The following PLEKHG4 variants were observed in gnomAD, a reference collection of about 807,000 sequenced individuals.
The protein encoded by PLEKHG4 is puratrophin-1.
PLEKHG4 carries 85 observed loss-of-function variants against 136.9 expected under a neutral mutation model. That is an observed-to-expected ratio of 0.62 (90% CI 0.52 to 0.74). PLEKHG4 has a LOEUF of 0.74. Among genes scored for constraint, PLEKHG4 ranks in the 30% least tolerant of loss-of-function variants. The pLI, the probability that PLEKHG4 is intolerant of heterozygous loss-of-function variation, is 0.00. For synonymous variants in PLEKHG4, 577 were observed against 646.9 expected, an observed-to-expected ratio of 0.89 and a Z score of 1.64; for missense variants, 1,317 against 1,527.8, an observed-to-expected ratio of 0.86 and a Z score of 2.30.
At chr16:67,283,043 G>A (rs952223588) in intron 11 of PLEKHG4, among the ~76,000 whole-genome samples, 185 bp downstream of exon 11, 1 of 152,142 alleles carries the variant, frequency 6.6e-6, no homozygotes, top group Non-Finnish European at 1.5e-5. Context: ...TCTCTGGAGA[G>A]AATCAGTGCA....
At position 67,289,126 on chromosome 16, in the gene PLEKHG4, G is replaced by GT; in HGVS notation, c.*318_*319insT. 1 of 511,972 alleles carries GT rather than the reference G, an allele frequency of 2.0e-6. No homozygotes were observed. The highest frequency in any genetic ancestry group is 3.6e-6 in the Non-Finnish European group (1 of 280,822). 31.7% of individuals were successfully genotyped at this position (511,972 alleles called of 1,614,324 possible). On this transcript the variant is annotated 3_prime_UTR_variant, in exon 22 of 22. Coordinates refer to ENST00000379344, the MANE Select transcript of PLEKHG4 (RefSeq NM_001129729.3). ...TGTTTCCATGCTGTAGGCTGGTGGG[G>GT]GACCATGTGCCTCTAGGCAGTGACT...
chr16:67,287,010 T>C lies in PLEKHG4; in HGVS notation c.2936T>C (p.Leu979Pro). The C allele has an allele frequency of 1.2e-6, 2 of 1,613,254 alleles. No individual in the cohort carries two copies. The highest frequency in any genetic ancestry group is 8.5e-7 in the Non-Finnish European group (1 of 1,179,990). Residue 979 changes from leucine (L) to proline (P), a missense_variant, in exon 18 of 22, where the codon CTT becomes CCT. By Grantham distance (98) the Leu-to-Pro change is moderately conservative. Coordinates refer to ENST00000379344, the MANE Select transcript of PLEKHG4 (RefSeq NM_001129729.3). ...TCCCGCTGGCCACAGATGGCAGACC[T>C]TGGTCTCACTGAGTGCTGTGGGAAC... Reference protein sequence around the residue: ...AYKRSFKMADLGLTECCGNSN... With the variant: ...AYKRSFKMADPGLTECCGNSN...
chr16:67,288,958 G>A lies in PLEKHG4; in HGVS notation c.*150G>A. 1 of 913,770 alleles carries A rather than the reference G, an allele frequency of 1.1e-6. No homozygotes were observed. Among genetic ancestry groups the A allele is most frequent in the East Asian group, 2.6e-5 (1 of 38,046 alleles). The allele number at this position is 913,770 out of a possible 1,614,324, so 56.6% of individuals were successfully genotyped here. A position where few individuals can be genotyped will look rare whatever the true frequency, so the allele number is the denominator to read the frequency against. The stretch of plus-strand genomic sequence containing the variant: ...GTTGACTACCCTTTCTGATGTGTGT[G>A]GCCATTGGACTAACTGGCACGGGGC... On this transcript the variant is annotated 3_prime_UTR_variant, in exon 22 of 22. Coordinates refer to ENST00000379344, the MANE Select transcript of PLEKHG4 (RefSeq NM_001129729.3).
Position 67,288,208 on chromosome 16 carries a change from C to G in PLEKHG4, c.3262C>G (p.His1088Asp). 4 of 1,614,050 alleles carry G rather than the reference C, an allele frequency of 2.5e-6. No individual in the cohort carries two copies. Among genetic ancestry groups the G allele is most frequent in the East Asian group, 2.2e-5 (1 of 44,878 alleles). ...GTCCATTGCCGTAGCCCCGTTTGAC[C>G]ATGACAGCCTCTACCTGGGGGCCTC... ...RASIAVAPFD[H>D]DSLYLGASNS... Residue 1088 changes from histidine to aspartate, a missense_variant, in exon 20 of 22, where the codon CAT (histidine) becomes GAT (aspartate). Coordinates refer to ENST00000379344, the MANE Select transcript of PLEKHG4 (RefSeq NM_001129729.3).
chr16:67,281,066 A>G (rs1235275602), intron 4 of PLEKHG4, 25 bp from the exon 5 acceptor site: 1 of 1,613,768 alleles, frequency 6.2e-7, no homozygotes, highest in East Asian at 2.2e-5. Flanking sequence ...GGAGTCAGGT[A>G]CTGAACTGAA....
chr16:67,282,826 G>A lies in PLEKHG4; in HGVS notation c.1477G>A (p.Gly493Ser). ...PSLDMLLQAQ[G>S]SFQELYQVAQ... is the part of the protein sequence containing the mutation. ...GCTGGACATGCTGCTCCAGGCCCAA[G>A]GCTCTTTTCAGGAGCTGTACCAGGT... is the stretch of plus-strand genomic sequence containing the variant. The change falls in exon 11 of 22, where the codon GGC (glycine) becomes AGC (serine). Residue 493 changes from glycine to serine, a missense_variant. Coordinates refer to ENST00000379344, the MANE Select transcript of PLEKHG4 (RefSeq NM_001129729.3). 1 of 1,613,444 alleles carries A rather than the reference G, an allele frequency of 6.2e-7. No homozygotes were observed. Among genetic ancestry groups the A allele is most frequent in the Non-Finnish European group, 8.5e-7 (1 of 1,180,026 alleles).
In PLEKHG4 at chr16:67,280,713, C is replaced by G. The variant is rs776557417; in HGVS notation, c.502C>G (p.Pro168Ala). 9.3e-6 allele frequency: 15 copies of G among 1,613,976 alleles called. No individual in the cohort carries two copies. Among genetic ancestry groups the G allele is most frequent in the Non-Finnish European group, 1.3e-5 (15 of 1,180,036 alleles). The change falls in exon 3 of 22, where the codon CCC (proline) becomes GCC (alanine). Residue 168 changes from proline (P) to alanine (A), a missense_variant and splice_region_variant. Pro to Ala is a conservative substitution (Grantham distance 27). Coordinates refer to ENST00000379344, the MANE Select transcript of PLEKHG4 (RefSeq NM_001129729.3). The surrounding 1 kb of genome is among the most constrained non-coding windows in gnomAD (Gnocchi z 4.4). ...CCCAAGTCATTTCCCTTCCCAAGCC[C>G]CCAGTGGATCCGGCCTCCCTAAGCC... ...SEISKLLEAA[P>A]SGSGLPKPAD...
chr16:67,284,242 TG>T lies in PLEKHG4; in HGVS notation c.1510-30del. 1 of 1,604,450 alleles carries T rather than the reference TG, an allele frequency of 6.2e-7. No homozygotes were observed. On this transcript the variant is annotated intron_variant, in intron 11 of 21. Coordinates refer to ENST00000379344, the MANE Select transcript of PLEKHG4 (RefSeq NM_001129729.3). This position sits in a 1 kb window ranked among gnomAD's most constrained non-coding sequence, Gnocchi z 4.4. ...AGTCTGGGGGCTAGACCGCCAGGCC[TG>T]GGCTGGCTGAGCCTAGTCTCTGTCT...
rs757641674 is a variant in PLEKHG4, at chr16:67,284,994, G to C, written c.1974G>C (p.Leu658=). The C allele has an allele frequency of 6.2e-7, 1 of 1,613,496 alleles. No individual in the cohort carries two copies. The highest frequency in any genetic ancestry group is 1.1e-5 in the South Asian group (1 of 91,080). The change falls in exon 13 of 22, where the codon CTG becomes CTC. Residue 658 remains leucine (L), a synonymous_variant. Transcript: ENST00000379344. The surrounding 1 kb of genome is among the most constrained non-coding windows in gnomAD (Gnocchi z 4.4). ...CACCGGTGGGCAGCACAGCTAGCCTGTGTGTCAGCCAGGTCCCCGCTGCAC... is the reference window on the plus strand; with the variant it reads ...CACCGGTGGGCAGCACAGCTAGCCTCTGTGTCAGCCAGGTCCCCGCTGCAC... ...KLPPVGSTAS[L]CVSQVPAAPA...
chr16:67,279,275 G>A (rs1360948552), upstream of PLEKHG4: 1 of 152,396 alleles, frequency 6.6e-6, no homozygotes, highest in Non-Finnish European at 1.5e-5. Flanking sequence ...GCGACGCCGC[G>A]GGTGAGGCGC....
chr16:67,281,954 G>A, intron 7 of PLEKHG4, 55 bp from the exon 8 acceptor site: 1 of 1,563,056 alleles, frequency 6.4e-7, no homozygotes. Context: ...TGGAACCCAG[G>A]AAGCCCAGGA....
chr16:67,287,396 GCT>G (rs961165444), intron 18 of PLEKHG4, among the ~76,000 whole-genome samples: 1 of 152,102 alleles, frequency 6.6e-6, no homozygotes, highest in Admixed American at 6.5e-5. Flanking sequence ...GGGCATCATG[GCT>G]CTCTCTCTCT....
chr16:67,287,230 T>C, intron 18 of PLEKHG4, 53 bp downstream of exon 18: 2 of 1,569,012 alleles, frequency 1.3e-6, no homozygotes, highest in Middle Eastern at 2.0e-4. Context: ...AGAGCTTACA[T>C]TGACCCACAG....
intron 21 of PLEKHG4, 61 bp from the exon 22 acceptor site, chr16:67,288,742 C>T: frequency 2.5e-6 from 4 of 1,610,544 alleles, no homozygotes; most frequent in Non-Finnish European, 3.4e-6. Flanking sequence ...AGCCATTCCC[C>T]AGACACCTCC....
chr16:67,283,504 G>A (rs2036321139), intron 11 of PLEKHG4, among the ~76,000 whole-genome samples: 1 of 152,164 alleles, frequency 6.6e-6, no homozygotes, highest in African/African-American at 2.4e-5. Flanking sequence ...AGTCTAGGTG[G>A]GAAATAGTGC....
chr16:67,285,403 G>T lies in PLEKHG4; in HGVS notation c.2309G>T (p.Gly770Val), dbSNP rs1266770406. The T allele has an allele frequency of 6.2e-7, 1 of 1,614,238 alleles. No individual in the cohort carries two copies. The highest frequency in any genetic ancestry group is 8.5e-7 in the Non-Finnish European group (1 of 1,180,052). Residue 770 changes from glycine (G) to valine (V), a missense_variant, in exon 14 of 22, where the codon GGC becomes GTC. Gly to Val is a moderately radical substitution (Grantham distance 109). Coordinates refer to ENST00000379344, the MANE Select transcript of PLEKHG4 (RefSeq NM_001129729.3). Reference protein sequence around the residue: ...PELDRPDVPQGLRGQRAHLFG... With the variant: ...PELDRPDVPQVLRGQRAHLFG... ...CTGGATCGCCCCGATGTGCCCCAGG[G>T]CCTCCGCGGTCAGCGTGCCCACCTC...
chr16:67,288,384 C>T lies in PLEKHG4; in HGVS notation c.3438C>T (p.Gly1146=), dbSNP rs750519141. 46 of 1,611,450 alleles carry T rather than the reference C, an allele frequency of 2.9e-5. No homozygotes were observed. The South Asian group carries it at 3.4e-4, about 12-fold the overall frequency. Residue 1146 remains glycine (G), a synonymous_variant, in exon 20 of 22, where the codon GGC becomes GGT. Coordinates refer to ENST00000379344, the MANE Select transcript of PLEKHG4 (RefSeq NM_001129729.3). ...EAALEAEAEL[G]GQPSLTAEDS... is the part of the protein sequence containing the mutation. The stretch of plus-strand genomic sequence containing the variant: ...CACTGGAGGCTGAGGCAGAGCTGGG[C>T]GGCCAGCCCTCTTTGAGTATGTCTG...
chr16:67,285,951 G>T (rs2036449428), intron 14 of PLEKHG4, among the ~76,000 whole-genome samples: 1 of 152,180 alleles, frequency 6.6e-6, no homozygotes, highest in Non-Finnish European at 1.5e-5. Flanking sequence ...GGCCTGCCAA[G>T]GAGGTGGCTG....
chr16:67,277,946 G>T (rs925435617), upstream of PLEKHG4: 1 of 152,386 alleles, frequency 6.6e-6, no homozygotes, highest in Non-Finnish European at 1.5e-5. Context: ...AGGGTGCCAG[G>T]TCAGCTATAG....
Sources: allele counts gnomAD v4.1 joint callset (sites outside exome capture counted in the v4.1 genomes callset), GRCh38; gene constraint gnomAD v4.1.1; non-coding constraint Gnocchi (gnomAD v3.1); transcripts MANE v1.5; gene names NCBI Gene and HGNC (gene_info 2026-07-23, HGNC 2026-07-21).